NLK: variants seen among roughly 807,000 people sequenced by gnomAD.
NLK encodes the protein serine/threonine-protein kinase NLK.
A neutral mutation model predicts 59.0 loss-of-function variants in NLK; 11 were observed. The ratio of observed to expected loss-of-function variants is 0.19; its 90% CI spans 0.12 to 0.31. The LOEUF (loss-of-function observed/expected upper bound fraction) is 0.31. NLK is among the 10% of genes least tolerant of loss of function. NLK has a pLI of 1.00. For synonymous variants in NLK, 235 were observed against 235.9 expected, an observed-to-expected ratio of 1.00 and a Z score of 0.03; for missense variants, 410 against 661.1, an observed-to-expected ratio of 0.62 and a Z score of 4.16.
At chr17:28,127,723 G>T (rs150060569) in intron 2 of NLK, among the ~76,000 whole-genome samples, 2 of 152,050 alleles carry the variant, frequency 1.3e-5, no homozygotes, top group Non-Finnish European at 2.9e-5. Flanking sequence ...GTCTATATGC[G>T]TATGGAAATT....
chr17:28,132,486 C>T (rs527588719), intron 2 of NLK, 134 bp from the exon 3 acceptor site: 17 of 663,512 alleles, frequency 2.6e-5, no homozygotes, highest in Admixed American at 1.3e-4. Context: ...TCTTGACAGA[C>T]GAATTTAATT....
At chr17:28,192,258 G>A (rs1012240649) in intron 10 of NLK, 45 bp downstream of exon 10, 2 of 1,003,332 alleles carry the variant, frequency 2.0e-6, no homozygotes, top group African/African-American at 3.2e-5. Context: ...GAATTAAAAG[G>A]ATGCCAGTGT....
intron 1 of NLK, among the ~76,000 whole-genome samples, chr17:28,078,994 A>G (rs1371909230): frequency 6.6e-6 from 1 of 152,182 alleles, no homozygotes; most frequent in Non-Finnish European, 1.5e-5. Flanking sequence ...GAACTTTTTC[A>G]TCTTGCAAAA....
At position 28,195,014 on chromosome 17, in the gene NLK, CAA is replaced by C. The variant is rs764536638; in HGVS notation, c.*380_*381del. The stretch of plus-strand genomic sequence containing the variant: ...ACACACACACACACACACACACACA[CAA>C]ACACAAAGGACAGTCATACATTTTG... On this transcript the variant is annotated 3_prime_UTR_variant, in exon 11 of 11. Coordinates refer to ENST00000407008, the MANE Select transcript of NLK (RefSeq NM_016231.5). 920 of 162,460 alleles carry C rather than the reference CAA, an allele frequency of 5.7e-3. 2 individuals carry two copies. The highest frequency in any genetic ancestry group is 9.4e-3 in the Non-Finnish European group (706 of 74,938). The allele number at this position is 162,460 out of a possible 1,614,324, so 10.1% of individuals were successfully genotyped here. A position where few individuals can be genotyped will look rare whatever the true frequency, so the allele number is the denominator to read the frequency against.
intron 1 of NLK, among the ~76,000 whole-genome samples, chr17:28,072,559 AT>A (rs1440571012): frequency 2.0e-5 from 3 of 151,930 alleles, no homozygotes; most frequent in African/African-American, 7.3e-5. Flanking sequence ...GACTGCCGAG[AT>A]GAGTGCGCTG....
rs1193124964 is a variant in NLK at position 28,169,721 on chromosome 17, CT to C, written c.1047+1082del. 2.7e-3 allele frequency among the ~76,000 whole-genome samples: 297 copies of C among 111,592 alleles called. 1 individual carries two copies. Among genetic ancestry groups the C allele is most frequent in the Middle Eastern group, 9.3e-3 (2 of 216 alleles). The allele number at this position is 111,592 out of a possible 152,430, so 73.2% of individuals were successfully genotyped here. On this transcript the variant is annotated intron_variant, in intron 6 of 10. Transcript: ENST00000407008. The stretch of plus-strand genomic sequence containing the variant: ...TCCTTTTTTTTTGCTGCTTCTTCTT[CT>C]TTTTTTTTTTTTTTTTTGGCCCCTA...
intron 8 of NLK, 185 bp from the exon 9 acceptor site, chr17:28,190,836 C>T: frequency 2.0e-6 from 1 of 502,194 alleles, no homozygotes. Flanking sequence ...AGTAGTTGTC[C>T]TAAATCATAC....
At position 28,168,669 on chromosome 17, in the gene NLK, A is replaced by C. The variant is rs376724521; in HGVS notation, c.1047+12A>C. On this transcript the variant is annotated intron_variant, in intron 6 of 10. Transcript: ENST00000407008. ...GTCCCATTCAGCAGGTATGATTTCA[A>C]TTTAAGGCTTTAGTTGCAATTCTAT... 2 of 1,602,260 alleles carry C rather than the reference A, an allele frequency of 1.2e-6. No individual in the cohort carries two copies. Among genetic ancestry groups the C allele is most frequent in the Non-Finnish European group, 1.7e-6 (2 of 1,169,380 alleles).
chr17:28,089,602 C>T (rs1904408890), intron 1 of NLK, among the ~76,000 whole-genome samples: 1 of 151,934 alleles, frequency 6.6e-6, no homozygotes, highest in Non-Finnish European at 1.5e-5. Context: ...AATGAAATGG[C>T]TGGATAATAA....
chr17:28,204,188 T>C, the NLK span, among the ~76,000 whole-genome samples: 1 of 152,306 alleles, frequency 6.6e-6, no homozygotes, highest in East Asian at 1.9e-4. Context: ...GGATAAGTAA[T>C]TTTCCCAAGA....
chr17:28,192,758 A>G (rs1358447248), intron 10 of NLK, among the ~76,000 whole-genome samples: 1 of 152,074 alleles, frequency 6.6e-6, no homozygotes, highest in Non-Finnish European at 1.5e-5. Flanking sequence ...CCGGATGACC[A>G]TTGTGCTGCC....
chr17:28,060,157 T>C (rs1026520905), intron 1 of NLK, among the ~76,000 whole-genome samples: 2 of 152,140 alleles, frequency 1.3e-5, no homozygotes, highest in Non-Finnish European at 2.9e-5. Flanking sequence ...AAGTTTATAT[T>C]CATTATATAC....
chr17:28,051,452 A>G (rs1481084868), intron 1 of NLK, among the ~76,000 whole-genome samples: 1 of 150,472 alleles, frequency 6.6e-6, no homozygotes, highest in Non-Finnish European at 1.5e-5. Flanking sequence ...TCCACCTCCC[A>G]GGTTCAAGGG....
intron 7 of NLK, among the ~76,000 whole-genome samples, chr17:28,181,919 A>G (rs1392806486): frequency 2.6e-5 from 4 of 152,098 alleles, no homozygotes; most frequent in Non-Finnish European, 5.9e-5. Context: ...CCAAGGTAGC[A>G]AGATCGCTTG....
intron 2 of NLK, among the ~76,000 whole-genome samples, chr17:28,128,995 T>C (rs1906404164): frequency 6.6e-6 from 1 of 152,126 alleles, no homozygotes; most frequent in Admixed American, 6.5e-5. Context: ...AACCACTGAT[T>C]CACACAGGAA....
intron 1 of NLK, chr17:28,047,810 A>T (rs1424214983): frequency 2.0e-5 from 8 of 393,268 alleles, no homozygotes; most frequent in Non-Finnish European, 3.6e-5. Context: ...ACTAATTTGG[A>T]AAAATGCAGA....
At chr17:28,172,821 G>A (rs1012267425) in intron 7 of NLK, among the ~76,000 whole-genome samples, 2 of 152,038 alleles carry the variant, frequency 1.3e-5, no homozygotes, top group Non-Finnish European at 2.9e-5. Flanking sequence ...GAGAAAGTGC[G>A]TGTTTGTGTA....
At chr17:28,133,151 C>T (rs371698104) in intron 3 of NLK, among the ~76,000 whole-genome samples, 4 of 152,314 alleles carry the variant, frequency 2.6e-5, no homozygotes, top group African/African-American at 9.6e-5. Context: ...GTGATATTGA[C>T]ATAATAGCCA....
At chr17:28,139,488 A>T (rs1478749154) in intron 3 of NLK, among the ~76,000 whole-genome samples, 1 of 152,252 alleles carries the variant, frequency 6.6e-6, no homozygotes, top group African/African-American at 2.4e-5. Context: ...ATCCAGGAAC[A>T]GATAAATTCC....
Sources: gnomAD v4.1 joint callset for allele counts (sites outside exome capture counted in the v4.1 genomes callset) on GRCh38, gnomAD v4.1.1 for gene constraint, MANE v1.5 for transcripts, NCBI Gene and HGNC (gene_info 2026-07-23, HGNC 2026-07-21) for gene names.